CAPN2: variants seen among roughly 807,000 people sequenced by gnomAD.
CAPN2 encodes the protein calpain 2, also known as calpain-2 catalytic subunit.
Under a neutral mutation model 102.3 loss-of-function variants are expected in CAPN2, and 92 were observed. The observed-to-expected ratio is 0.90, with a 90% CI of 0.76 to 1.07. The LOEUF is 1.07. CAPN2 is among the 50% of genes least tolerant of loss of function. The pLI is 0.00. For synonymous variants in CAPN2, 340 were observed against 355.4 expected (o/e 0.96, Z 0.49); for missense variants, 800 against 909.4 (o/e 0.88, Z 1.55).
chr1:223,761,452 C>A (rs909921341), intron 12 of CAPN2, 129 bp from the exon 13 acceptor site: 11 of 601,302 alleles, frequency 1.8e-5, no homozygotes, highest in Middle Eastern at 3.4e-4. Flanking sequence ...GACCTCCCCC[C>A]ACCGCAGCCC....
intron 14 of CAPN2, among the ~76,000 whole-genome samples, chr1:223,762,677 C>CTTTTT (rs1189449899): frequency 6.6e-6 from 1 of 151,958 alleles, no homozygotes; most frequent in African/African-American, 2.4e-5. Context: ...GTTCTCTTTT[C>CTTTTT]TTTTTTCTTT....
chr1:223,724,111 A>G (rs1236574543), intron 2 of CAPN2, among the ~76,000 whole-genome samples: 2 of 152,102 alleles, frequency 1.3e-5, no homozygotes, highest in Non-Finnish European at 2.9e-5. Flanking sequence ...ACTACTTCTG[A>G]CATTCTGTGA....
intron 19 of CAPN2, 38 bp downstream of exon 19, chr1:223,771,963 C>G: frequency 6.9e-7 from 1 of 1,450,498 alleles, no homozygotes; most frequent in African/African-American, 1.4e-5. Context: ...TTTCAGTTCT[C>G]TTGGTATTAA....
At chr1:223,710,941 C>A (rs28739572), upstream of CAPN2, among the ~76,000 whole-genome samples, 1,636 of 152,220 alleles carry the variant, frequency 0.011, 13 homozygotes, top group Non-Finnish European at 0.017. Flanking sequence ...GCACCCCAAC[C>A]ACCTCGGGCA....
At chr1:223,717,902 A>G (rs1482810735) in intron 2 of CAPN2, 71 bp downstream of exon 2, 26 of 1,159,564 alleles carry the variant, frequency 2.2e-5, no homozygotes, top group Non-Finnish European at 5.2e-6. Context: ...ATGAGGGACA[A>G]CCTGTGGCTT....
chr1:223,719,838 G>GCA (rs1660003746), intron 2 of CAPN2, among the ~76,000 whole-genome samples: 2 of 152,080 alleles, frequency 1.3e-5, no homozygotes, highest in Admixed American at 1.3e-4. Flanking sequence ...GTGTGCGCGC[G>GCA]CGCGCGTATA....
In CAPN2 at chr1:223,759,334, G is replaced by A. The variant is rs148169772; in HGVS notation, c.1382G>A (p.Arg461His). 24 of 1,614,052 alleles carry A rather than the reference G, an allele frequency of 1.5e-5. No homozygotes were observed. The highest frequency in any genetic ancestry group is 1.1e-4 in the East Asian group (5 of 44,892). Residue 461 changes from arginine to histidine, a missense_variant, in exon 12 of 21, where the codon CGC becomes CAC. Physicochemically the swap from Arg to His is conservative, Grantham distance 29 (BLOSUM62 0). Coordinates refer to ENST00000295006, the MANE Select transcript of CAPN2 (RefSeq NM_001748.5). The surrounding 1 kb of genome is among the most constrained non-coding windows in gnomAD (Gnocchi z 4.6). ...TTCCTGACGAATCGCGCCAGGGAGC[G>A]CTCAGACACCTTCATCAACCTCCGG... Reference protein sequence around the residue: ...NFFLTNRARERSDTFINLREV... With the variant: ...NFFLTNRAREHSDTFINLREV...
chr1:223,712,374 G>A (rs1272033195), upstream of CAPN2: 2 of 912,214 alleles, frequency 2.2e-6, no homozygotes, highest in Non-Finnish European at 2.7e-6. Context: ...GCTGTCCGCA[G>A]ATGGCAGCAC....
At chr1:223,774,760 A>T in intron 20 of CAPN2, 74 bp from the exon 21 acceptor site, 1 of 1,366,380 alleles carries the variant, frequency 7.3e-7, no homozygotes, top group Non-Finnish European at 1.0e-6. Context: ...TTTTGGAACA[A>T]TCTACAGGTA....
intron 20 of CAPN2, among the ~76,000 whole-genome samples, chr1:223,773,651 A>G (rs1661540610): frequency 6.6e-6 from 1 of 151,890 alleles, no homozygotes; most frequent in Admixed American, 6.6e-5. Context: ...CTGAGATTGC[A>G]CCATTGTACT....
chr1:223,733,018 G>C (rs1258498724), intron 2 of CAPN2, among the ~76,000 whole-genome samples: 2 of 152,184 alleles, frequency 1.3e-5, no homozygotes, highest in African/African-American at 4.8e-5. Flanking sequence ...GGGTTGCTCT[G>C]GTATCCAGCG....
At chr1:223,766,282 T>TAA in intron 15 of CAPN2, 85 bp from the exon 16 acceptor site, 1 of 1,012,212 alleles carries the variant, frequency 9.9e-7, no homozygotes, top group Non-Finnish European at 1.6e-6. Context: ...AGGGCACAGA[T>TAA]AAAGAATATC....
At chr1:223,747,552 G>A (rs1660778762) in intron 5 of CAPN2, among the ~76,000 whole-genome samples, 1 of 152,172 alleles carries the variant, frequency 6.6e-6, no homozygotes, top group African/African-American at 2.4e-5. Flanking sequence ...AAATGGTCTG[G>A]GATAAAGTCT....
At chr1:223,750,764 C>T (rs1413591311) in intron 6 of CAPN2, 126 bp from the exon 7 acceptor site, 2 of 843,100 alleles carry the variant, frequency 2.4e-6, no homozygotes, top group Non-Finnish European at 3.9e-6. Context: ...ACTCAACCCC[C>T]AAATCCTCCC....
chr1:223,757,493 G>A (rs562768320), intron 11 of CAPN2, 113 bp downstream of exon 11: 14 of 1,194,778 alleles, frequency 1.2e-5, no homozygotes, highest in South Asian at 2.4e-5. Flanking sequence ...GGTCATGAAG[G>A]ATGAGTCCTG....
intron 2 of CAPN2, among the ~76,000 whole-genome samples, chr1:223,737,000 C>T (rs1003958545): frequency 6.6e-6 from 1 of 152,084 alleles, no homozygotes; most frequent in Non-Finnish European, 1.5e-5. Context: ...GATTGCACCA[C>T]TGCACTCTAG....
At position 223,750,487 on chromosome 1, in the gene CAPN2, A is replaced by G. The variant is rs1558071866; in HGVS notation, c.814-403A>G. The stretch of plus-strand genomic sequence containing the variant: ...ATGTCCTTTCTGGCGACCCACCCCA[A>G]CCCCATCCAGGACTCAATCCAGATT... On this transcript the variant is annotated intron_variant, in intron 6 of 20. Transcript: ENST00000295006. Among the ~76,000 whole-genome samples, 4 of 151,936 alleles carry G rather than the reference A, an allele frequency of 2.6e-5. No individual in the cohort carries two copies. The South Asian group carries it at 8.3e-4, about 32-fold the overall frequency.
chr1:223,744,468 A>C (rs950343924), intron 3 of CAPN2, among the ~76,000 whole-genome samples: 1 of 152,084 alleles, frequency 6.6e-6, no homozygotes, highest in African/African-American at 2.4e-5. Context: ...GTGTTCAGGA[A>C]CTAATTCCCA....
intron 2 of CAPN2, among the ~76,000 whole-genome samples, chr1:223,723,943 C>G (rs1660125816): frequency 6.6e-6 from 1 of 151,288 alleles, no homozygotes; most frequent in Non-Finnish European, 1.5e-5. Context: ...TCCCCATGGG[C>G]CTCTGGATCC....
Sources: gnomAD v4.1 joint callset for allele counts (sites outside exome capture counted in the v4.1 genomes callset) on GRCh38, gnomAD v4.1.1 for gene constraint, Gnocchi (gnomAD v3.1) non-coding constraint, MANE v1.5 for transcripts, NCBI Gene and HGNC (gene_info 2026-07-23, HGNC 2026-07-21) for gene names.